Variants in CTTNBP2 observed in about 807,000 individuals in gnomAD.
CTTNBP2 encodes cortactin-binding protein 2.
A neutral mutation model predicts 156.9 loss-of-function variants in CTTNBP2; 108 were observed. That is an observed-to-expected ratio of 0.69 (90% CI 0.59 to 0.81). The LOEUF is 0.81. Ranked by LOEUF, CTTNBP2 falls within the 30% of genes least tolerant of loss-of-function variation. The probability of loss-of-function intolerance (pLI) is 0.00; values close to 1 mark genes in which losing one functional copy is unlikely to be tolerated. For missense variants in CTTNBP2, 1,924 were observed against 2,035.4 expected (o/e 0.95, Z 1.05); for synonymous variants, 767 against 751.8 (o/e 1.02, Z -0.33).
intron 2 of CTTNBP2, among the ~76,000 whole-genome samples, chr7:117,817,190 C>T (rs367552630): frequency 6.7e-6 from 1 of 150,148 alleles, no homozygotes. Flanking sequence ...AAATATTAGC[C>T]GGGTGTGGTG....
intron 20 of CTTNBP2, among the ~76,000 whole-genome samples, chr7:117,720,701 A>T (rs1175361083): frequency 6.6e-6 from 1 of 152,236 alleles, no homozygotes; most frequent in African/African-American, 2.4e-5. Context: ...TCCAAAAAAA[A>T]GAAAAAAGTC....
chr7:117,832,120 T>A (rs1801647510), intron 2 of CTTNBP2, among the ~76,000 whole-genome samples: 1 of 152,166 alleles, frequency 6.6e-6, no homozygotes, highest in Non-Finnish European at 1.5e-5. Flanking sequence ...GCCCTGGCTG[T>A]GACACTGCCA....
intron 1 of CTTNBP2, among the ~76,000 whole-genome samples, chr7:117,864,691 T>TATATAC (rs1179077844): frequency 1.7e-5 from 2 of 114,862 alleles, no homozygotes; most frequent in African/African-American, 2.8e-5. Flanking sequence ...TATATATTCA[T>TATATAC]ATATATTCAT....
chr7:117,803,624 G>T (rs896993913), intron 3 of CTTNBP2, among the ~76,000 whole-genome samples: 2 of 152,098 alleles, frequency 1.3e-5, no homozygotes, highest in African/African-American at 4.8e-5. Context: ...TATGTATTAA[G>T]GGAGTTGTGA....
chr7:117,856,752 A>G (rs1803347850), intron 2 of CTTNBP2, among the ~76,000 whole-genome samples: 1 of 152,210 alleles, frequency 6.6e-6, no homozygotes, highest in Admixed American at 6.5e-5. Flanking sequence ...CATTGTTTAA[A>G]TGATATAATA....
intron 22 of CTTNBP2, among the ~76,000 whole-genome samples, chr7:117,716,411 A>G (rs1379571024): frequency 6.6e-6 from 1 of 152,122 alleles, no homozygotes; most frequent in Non-Finnish European, 1.5e-5. Context: ...CCTCTTGCTA[A>G]GATCCTCCTG....
intron 16 of CTTNBP2, among the ~76,000 whole-genome samples, chr7:117,734,044 G>A (rs1795548632): frequency 6.6e-6 from 1 of 152,338 alleles, no homozygotes; most frequent in African/African-American, 2.4e-5. Context: ...CCTTGAACAT[G>A]TTTTCACAAG....
intron 22 of CTTNBP2, among the ~76,000 whole-genome samples, chr7:117,716,161 C>CAGAT (rs1333065213): frequency 2.6e-5 from 3 of 115,890 alleles, no homozygotes; most frequent in Admixed American, 1.6e-4. Context: ...TATAAGAGCC[C>CAGAT]AGATAGTATA....
chr7:117,822,612 T>C (rs1057384596), intron 2 of CTTNBP2, among the ~76,000 whole-genome samples: 27 of 152,224 alleles, frequency 1.8e-4, no homozygotes, highest in Admixed American at 5.9e-4. Context: ...TCCCTTTTGG[T>C]TTTGTCTTGG....
At chr7:117,789,871 C>T (rs994256404) in intron 4 of CTTNBP2, among the ~76,000 whole-genome samples, 2 of 152,154 alleles carry the variant, frequency 1.3e-5, no homozygotes, top group Admixed American at 1.3e-4. Context: ...GATCTAACTT[C>T]CAAGTCCATG....
chr7:117,857,178 T>C (rs531400161), intron 2 of CTTNBP2, among the ~76,000 whole-genome samples: 1 of 152,338 alleles, frequency 6.6e-6, no homozygotes, highest in Admixed American at 6.5e-5. Context: ...TATGTGAATA[T>C]GGAGGAATTG....
chr7:117,828,499 A>C (rs1479739320), intron 2 of CTTNBP2, among the ~76,000 whole-genome samples: 1 of 152,172 alleles, frequency 6.6e-6, no homozygotes, highest in East Asian at 1.9e-4. Context: ...TTGCAGTAAC[A>C]GGGTAAGAAT....
At chr7:117,754,292 C>T (rs1053250921) in intron 12 of CTTNBP2, among the ~76,000 whole-genome samples, 3 of 152,306 alleles carry the variant, frequency 2.0e-5, no homozygotes, top group Admixed American at 6.5e-5. Flanking sequence ...TCTGCCTCCC[C>T]GTCCACCCAC....
intron 2 of CTTNBP2, among the ~76,000 whole-genome samples, chr7:117,852,519 T>TTAG (rs1802996627): frequency 6.6e-6 from 1 of 152,184 alleles, no homozygotes; most frequent in African/African-American, 2.4e-5. Flanking sequence ...ATGTTCTCTC[T>TTAG]CATCCTATTA....
chr7:117,785,076 A>G (rs1174772005), intron 4 of CTTNBP2, among the ~76,000 whole-genome samples: 1 of 152,236 alleles, frequency 6.6e-6, no homozygotes, highest in African/African-American at 2.4e-5. Context: ...TATAACATAT[A>G]TAACTGGATC....
intron 2 of CTTNBP2, among the ~76,000 whole-genome samples, chr7:117,817,384 A>ATATATATATATATATATATATATATT (rs1800682771): frequency 7.8e-6 from 1 of 127,948 alleles, no homozygotes; most frequent in African/African-American, 2.8e-5. Context: ...ATATATATAT[A>ATATATATATATATATATATATATATT]TATAATTTCA....
intron 2 of CTTNBP2, among the ~76,000 whole-genome samples, chr7:117,841,272 T>C (rs1030589213): frequency 6.6e-6 from 1 of 152,172 alleles, no homozygotes; most frequent in Admixed American, 6.5e-5. Context: ...AGCTCCAATG[T>C]ATACATATGG....
In CTTNBP2 at chr7:117,756,617, G is replaced by A. The variant is rs776512580; in HGVS notation, c.3286C>T (p.Leu1096Phe). 6.2e-6 allele frequency: 10 copies of A among 1,613,046 alleles called. No homozygotes were observed. Among genetic ancestry groups the A allele is most frequent in the Non-Finnish European group, 8.5e-6 (10 of 1,179,118 alleles). Residue 1096 changes from leucine to phenylalanine, a missense_variant, in exon 12 of 23, where the codon CTC (leucine) becomes TTC (phenylalanine). Transcript: ENST00000160373. ...VLLSGPQEGC[L>F]SSVTYASMIP... ...ATGGAGGCATAAGTCACACTACTGA[G>A]ACAGCCTTCTTGAGGACCTGTAGGA...
At chr7:117,717,984 CCTTTGTTCA>C in intron 22 of CTTNBP2, 25 bp downstream of exon 22, 1 of 1,284,564 alleles carries the variant, frequency 7.8e-7, no homozygotes, top group Non-Finnish European at 1.1e-6. Flanking sequence ...CAGCAATCAT[CCTTTGTTCA>C]CTTTGGGGAG....
Sources: gnomAD v4.1 joint callset for allele counts (sites outside exome capture counted in the v4.1 genomes callset) on GRCh38, gnomAD v4.1.1 for gene constraint, MANE v1.5 for transcripts, NCBI Gene and HGNC (gene_info 2026-07-23, HGNC 2026-07-21) for gene names.